Variants in LRRC7 observed in about 807,000 individuals in gnomAD.
LRRC7 encodes leucine-rich repeat-containing protein 7.
In LRRC7, 23 loss-of-function variants were observed where a neutral mutation model predicts 175.7. The ratio of observed to expected loss-of-function variants is 0.13; its 90% confidence interval spans 0.09 to 0.19. LRRC7 has a LOEUF of 0.19. LRRC7 is among the 10% of genes least tolerant of loss of function. The pLI is 1.00. For missense variants in LRRC7, 1,354 were observed against 1,904.7 expected (o/e 0.71, Z 5.38); for synonymous variants, 685 against 680.9 (o/e 1.01, Z -0.09).
At chr1:69,739,255 A>G (rs1490471149) in intron 2 of LRRC7, among the ~76,000 whole-genome samples, 4 of 152,088 alleles carry the variant, frequency 2.6e-5, no homozygotes, top group Non-Finnish European at 5.9e-5. Context: ...AGCAAATATC[A>G]TAATACAAAC....
intron 1 of LRRC7, among the ~76,000 whole-genome samples, chr1:69,623,654 A>T (rs1651011373): frequency 6.6e-6 from 1 of 150,934 alleles, no homozygotes; most frequent in Admixed American, 6.6e-5. Context: ...GGGTTCAAGC[A>T]ATTTTCCTGC....
intron 17 of LRRC7, among the ~76,000 whole-genome samples, chr1:70,026,292 T>C (rs1382791714): frequency 6.6e-6 from 1 of 152,150 alleles, no homozygotes; most frequent in Non-Finnish European, 1.5e-5. Context: ...TTATAAAAAA[T>C]AAAATGTTCT....
chr1:69,692,362 T>G (rs1456158319), intron 2 of LRRC7, among the ~76,000 whole-genome samples: 2 of 152,162 alleles, frequency 1.3e-5, no homozygotes, highest in African/African-American at 4.8e-5. Flanking sequence ...ACACAGAAAA[T>G]AGATGAGTGC....
Position 69,802,260 on chromosome 1 carries a change from C to T in LRRC7, c.421+10100C>T, listed in dbSNP as rs376746226. Among the ~76,000 whole-genome samples, 3 of 151,356 alleles carry T rather than the reference C, an allele frequency of 2.0e-5. No homozygotes were observed. In the East Asian group the frequency reaches 5.8e-4, roughly 29 times the overall value. ...ATTTGGTCTAAAGTCCAATTTAAGT[C>T]CACTGTTTCTTTGTTGATTTTCTAT... is the stretch of plus-strand genomic sequence containing the variant. On this transcript the variant is annotated intron_variant, in intron 4 of 26. Coordinates refer to ENST00000651989, the MANE Select transcript of LRRC7 (RefSeq NM_001370785.2).
intron 22 of LRRC7, among the ~76,000 whole-genome samples, chr1:70,046,976 A>G (rs764289850): frequency 2.0e-5 from 3 of 152,134 alleles, no homozygotes; most frequent in Non-Finnish European, 4.4e-5. Context: ...GAGATAGGCA[A>G]AAATTACTTA....
chr1:69,699,694 G>C (rs1341380254), intron 2 of LRRC7, among the ~76,000 whole-genome samples: 1 of 150,688 alleles, frequency 6.6e-6, no homozygotes, highest in Non-Finnish European at 1.5e-5. Context: ...TGTCCCTCCA[G>C]GCAGCTTTAC....
intron 11 of LRRC7, among the ~76,000 whole-genome samples, chr1:69,997,642 G>T (rs1209486305): frequency 5.3e-5 from 8 of 150,076 alleles, no homozygotes; most frequent in Admixed American, 2.7e-4. Flanking sequence ...GGCCTTTTCT[G>T]CATCTATTGA....
At chr1:69,682,362 G>A (rs1236844539) in intron 2 of LRRC7, among the ~76,000 whole-genome samples, 1 of 152,064 alleles carries the variant, frequency 6.6e-6, no homozygotes, top group Non-Finnish European at 1.5e-5. Context: ...TCCAAGGAGA[G>A]GGGATTATAC....
At chr1:69,588,649 G>C (rs1203761434) in intron 1 of LRRC7, among the ~76,000 whole-genome samples, 1 of 152,094 alleles carries the variant, frequency 6.6e-6, no homozygotes, top group Non-Finnish European at 1.5e-5. Context: ...TCTTTCATCT[G>C]TATGAAGAAA....
chr1:69,895,078 C>G (rs184051890), intron 7 of LRRC7, among the ~76,000 whole-genome samples: 1 of 152,112 alleles, frequency 6.6e-6, no homozygotes, highest in African/African-American at 2.4e-5. Context: ...ACTAAAAACA[C>G]AAAATTAGCC....
chr1:69,919,835 G>A, intron 7 of LRRC7: 1 of 723,052 alleles, frequency 1.4e-6, no homozygotes, highest in Non-Finnish European at 2.4e-6. Flanking sequence ...TGTCCGCACG[G>A]AGTGAGGATT....
At chr1:69,864,502 TC>T (rs1684702961) in intron 7 of LRRC7, among the ~76,000 whole-genome samples, 1 of 152,224 alleles carries the variant, frequency 6.6e-6, no homozygotes, top group Non-Finnish European at 1.5e-5. Flanking sequence ...TTTGGATGTT[TC>T]AAATACTGTG....
intron 25 of LRRC7, among the ~76,000 whole-genome samples, chr1:70,097,176 C>A (rs1039675642): frequency 6.6e-6 from 1 of 152,146 alleles, no homozygotes; most frequent in Non-Finnish European, 1.5e-5. Flanking sequence ...ACCACCTATG[C>A]ACAGCCTTGG....
At chr1:69,670,050 A>C (rs1658847039) in intron 1 of LRRC7, among the ~76,000 whole-genome samples, 2 of 152,164 alleles carry the variant, frequency 1.3e-5, no homozygotes, top group Non-Finnish European at 2.9e-5. Flanking sequence ...TAAAGGTCAC[A>C]TATCTCTGTG....
At chr1:70,055,537 T>C (rs1209269457) in intron 23 of LRRC7, among the ~76,000 whole-genome samples, 1 of 152,080 alleles carries the variant, frequency 6.6e-6, no homozygotes, top group East Asian at 1.9e-4. Context: ...TGAGACTGGG[T>C]AATTTATAGA....
chr1:69,648,699 A>G (rs1473170031), intron 1 of LRRC7, among the ~76,000 whole-genome samples: 1 of 152,190 alleles, frequency 6.6e-6, no homozygotes, highest in Non-Finnish European at 1.5e-5. Context: ...GTTTACATAC[A>G]TACTGGCTTC....
At chr1:69,746,578 T>C (rs1669279755) in intron 2 of LRRC7, among the ~76,000 whole-genome samples, 1 of 152,142 alleles carries the variant, frequency 6.6e-6, no homozygotes, top group South Asian at 2.1e-4. Context: ...CTTTGTTTAT[T>C]TATTCATTTA....
intron 2 of LRRC7, among the ~76,000 whole-genome samples, chr1:69,745,589 C>T (rs1384580172): frequency 1.3e-5 from 2 of 151,780 alleles, no homozygotes; most frequent in East Asian, 3.9e-4. Context: ...CATATCACAA[C>T]AGAATATTTC....
chr1:69,904,642 C>G (rs1646239711), intron 7 of LRRC7, among the ~76,000 whole-genome samples: 1 of 151,920 alleles, frequency 6.6e-6, no homozygotes, highest in Non-Finnish European at 1.5e-5. Flanking sequence ...TTTAAATGCA[C>G]TTTCTCCTGA....
Sources: gnomAD v4.1 joint callset for allele counts (sites outside exome capture counted in the v4.1 genomes callset) on GRCh38, gnomAD v4.1.1 for gene constraint, MANE v1.5 for transcripts, NCBI Gene and HGNC (gene_info 2026-07-23, HGNC 2026-07-21) for gene names.